Variants in ARHGAP26 observed in about 807,000 individuals in gnomAD.
The protein encoded by ARHGAP26 is Rho GTPase activating protein 26, also known as rho GTPase-activating protein 26.
In ARHGAP26, 38 loss-of-function variants were observed where a neutral mutation model predicts 104.8. The observed-to-expected ratio is 0.36, with a 90% CI of 0.28 to 0.48. The LOEUF (loss-of-function observed/expected upper bound fraction) is 0.48, where lower values mean the gene tolerates loss of function less well. Among genes scored for constraint, ARHGAP26 ranks in the 20% least tolerant of loss-of-function variants. The pLI, the probability that ARHGAP26 is intolerant of heterozygous loss-of-function variation, is 0.99. For synonymous variants in ARHGAP26, 341 were observed against 340.0 expected (o/e 1.00, Z -0.03); for missense variants, 704 against 947.9 (o/e 0.74, Z 3.38).
In ARHGAP26 at chr5:143,084,812, C is replaced by T. The variant is rs372674723; in HGVS notation, c.1538+27065C>T. ...TATAATCCCCACACTTTGGTGAGGC[C>T]GAGGTGGAAAGATCACGTGGTCAGG... is the stretch of plus-strand genomic sequence containing the variant. On this transcript the variant is annotated intron_variant, in intron 17 of 22. Coordinates refer to ENST00000645722, the MANE Select transcript of ARHGAP26 (RefSeq NM_001135608.3). Among the ~76,000 whole-genome samples the T allele has an allele frequency of 3.1e-4, 47 of 152,128 alleles. No homozygotes were observed. In the South Asian group the frequency reaches 9.1e-3, roughly 30 times the overall value.
At chr5:143,179,647 C>T (rs936763681) in intron 20 of ARHGAP26, among the ~76,000 whole-genome samples, 2 of 152,250 alleles carry the variant, frequency 1.3e-5, no homozygotes, top group Non-Finnish European at 2.9e-5. Flanking sequence ...AAGGAGGACT[C>T]TCCAGAGGGT....
intron 17 of ARHGAP26, among the ~76,000 whole-genome samples, chr5:143,065,897 A>G (rs552307994): frequency 6.6e-6 from 1 of 152,350 alleles, no homozygotes; most frequent in East Asian, 1.9e-4. Context: ...ATTGTTCAAC[A>G]GCCTCTTTGA....
intron 11 of ARHGAP26, among the ~76,000 whole-genome samples, chr5:142,964,532 T>C (rs2152679433): frequency 7.3e-6 from 1 of 136,274 alleles, no homozygotes; most frequent in East Asian, 2.4e-4. Flanking sequence ...GCCTTGCTTT[T>C]CTCTGTTTAA....
Position 143,200,030 on chromosome 5 carries a change from G to A in ARHGAP26, c.1989-7168G>A, listed in dbSNP as rs180703745. 2.8e-4 allele frequency among the ~76,000 whole-genome samples: 42 copies of A among 152,226 alleles called. 2 individuals are homozygous for A. The highest frequency in any genetic ancestry group is 8.9e-4 in the African/African-American group (37 of 41,544). On this transcript the variant is annotated intron_variant, in intron 20 of 22. Transcript: ENST00000645722. Reference sequence around the variant, plus strand: ...CAACCCTCTTGTCAAAATGCCCTTTGGAAAATTAAACATTGCTTCCACGTG... The same window carrying A: ...CAACCCTCTTGTCAAAATGCCCTTTAGAAAATTAAACATTGCTTCCACGTG...
intron 20 of ARHGAP26, among the ~76,000 whole-genome samples, chr5:143,201,073 G>T (rs1807644182): frequency 6.6e-6 from 1 of 152,246 alleles, no homozygotes; most frequent in African/African-American, 2.4e-5. Flanking sequence ...TCACTGTCCA[G>T]TGAATTTCAG....
chr5:142,879,299 A>AT (rs1756589187), intron 3 of ARHGAP26, 75 bp from the exon 4 acceptor site: 2 of 1,374,932 alleles, frequency 1.5e-6, no homozygotes. Context: ...GAGGCATCTC[A>AT]TGCTGGAGCT....
intron 10 of ARHGAP26, among the ~76,000 whole-genome samples, chr5:142,919,972 A>G (rs1235548121): frequency 6.6e-6 from 1 of 152,222 alleles, no homozygotes; most frequent in African/African-American, 2.4e-5. Flanking sequence ...ACCACACTCC[A>G]GCCTGGGTGA....
At chr5:142,861,260 A>G (rs1229180145) in intron 1 of ARHGAP26, among the ~76,000 whole-genome samples, 1 of 152,182 alleles carries the variant, frequency 6.6e-6, no homozygotes, top group Admixed American at 6.5e-5. Context: ...GTATAGCAGA[A>G]AAGTGACTAA....
At chr5:142,784,417 CT>C (rs143356277) in intron 1 of ARHGAP26, among the ~76,000 whole-genome samples, 2,571 of 152,278 alleles carry the variant, frequency 0.017, 63 homozygotes, top group African/African-American at 0.045. Context: ...GGATTTTGTG[CT>C]TGAAACCGTA....
In ARHGAP26 at chr5:143,057,670, T is replaced by A; in HGVS notation, c.1461T>A (p.Ser487=). 6.2e-7 allele frequency: 1 copy of A among 1,614,018 alleles called. No homozygotes were observed. The highest frequency in any genetic ancestry group is 8.5e-7 in the Non-Finnish European group (1 of 1,179,882). Residue 487 remains serine, a synonymous_variant, in exon 17 of 23, where the codon TCT becomes TCA. Transcript: ENST00000645722. ...TGGAGAACCAGGAGTCTCGGGTCTC[T>A]GAAATCCACAGCCTTGTTCATCGGC... ...AKLENQESRV[S]EIHSLVHRLP... is the part of the protein sequence containing the mutation.
chr5:143,067,682 CTTG>C (rs1341413813), intron 17 of ARHGAP26, among the ~76,000 whole-genome samples: 2 of 152,224 alleles, frequency 1.3e-5, no homozygotes, highest in South Asian at 2.1e-4. Flanking sequence ...AATGTTGGGT[CTTG>C]TTGGTGTATT....
chr5:142,984,232 A>G (rs932023897), intron 11 of ARHGAP26, among the ~76,000 whole-genome samples: 1 of 152,248 alleles, frequency 6.6e-6, no homozygotes, highest in East Asian at 1.9e-4. Context: ...AATCGCCTGT[A>G]TATATCCACT....
intron 12 of ARHGAP26, among the ~76,000 whole-genome samples, chr5:143,034,733 A>G (rs1405900302): frequency 1.3e-5 from 2 of 152,156 alleles, no homozygotes; most frequent in Admixed American, 1.3e-4. Flanking sequence ...CTTATGGTAT[A>G]TGAAGTATAT....
intron 11 of ARHGAP26, among the ~76,000 whole-genome samples, chr5:142,934,670 G>A (rs535859856): frequency 2.6e-5 from 4 of 151,906 alleles, no homozygotes; most frequent in African/African-American, 7.2e-5. Flanking sequence ...TGTTAGTGTC[G>A]TTGCCTTATT....
At chr5:143,142,592 G>A (rs1798693027) in intron 19 of ARHGAP26, among the ~76,000 whole-genome samples, 1 of 152,148 alleles carries the variant, frequency 6.6e-6, no homozygotes, top group Admixed American at 6.5e-5. Flanking sequence ...GACTGAGGCT[G>A]CTGGGTCAGC....
intron 14 of ARHGAP26, among the ~76,000 whole-genome samples, chr5:143,048,017 T>C (rs1407313139): frequency 6.6e-6 from 1 of 151,970 alleles, no homozygotes; most frequent in Non-Finnish European, 1.5e-5. Context: ...AGGCTAACTT[T>C]TGTATCTTTT....
At chr5:143,012,811 G>T (rs1779081803) in intron 11 of ARHGAP26, among the ~76,000 whole-genome samples, 1 of 150,792 alleles carries the variant, frequency 6.6e-6, no homozygotes, top group South Asian at 2.1e-4. Context: ...CCGCCACCAT[G>T]CCTGGCTAAT....
intron 1 of ARHGAP26, among the ~76,000 whole-genome samples, chr5:142,869,860 T>C (rs1755016363): frequency 6.6e-6 from 1 of 152,216 alleles, no homozygotes; most frequent in South Asian, 2.1e-4. Flanking sequence ...GCACTTCCTC[T>C]AGTCCCTGAG....
chr5:143,113,490 AT>A (rs1472694357), intron 17 of ARHGAP26, among the ~76,000 whole-genome samples: 1 of 152,042 alleles, frequency 6.6e-6, no homozygotes, highest in Non-Finnish European at 1.5e-5. Context: ...TACAGAACCC[AT>A]TTTGGCTATT....
Sources: gnomAD v4.1 joint callset for allele counts (sites outside exome capture counted in the v4.1 genomes callset) on GRCh38, gnomAD v4.1.1 for gene constraint, MANE v1.5 for transcripts, NCBI Gene and HGNC (gene_info 2026-07-23, HGNC 2026-07-21) for gene names.